RBFOX1: variants seen among roughly 807,000 people sequenced by gnomAD.
The protein encoded by RBFOX1 is RNA binding protein fox-1 homolog 1.
A neutral mutation model predicts 57.7 loss-of-function variants in RBFOX1; 8 were observed. That is an observed-to-expected ratio of 0.14 (90% CI 0.08 to 0.25). The LOEUF (loss-of-function observed/expected upper bound fraction) is 0.25, where lower values mean the gene tolerates loss of function less well. RBFOX1 is among the 10% of genes least tolerant of loss of function. The pLI, the probability that RBFOX1 is intolerant of heterozygous loss-of-function variation, is 1.00. For synonymous variants in RBFOX1, 326 were observed against 222.4 expected, an observed-to-expected ratio of 1.47 and a Z score of -4.15; for missense variants, 611 against 548.5, an observed-to-expected ratio of 1.11 and a Z score of -1.14.
At chr16:5,272,885 G>A (rs543250309) in intron 1 of RBFOX1, among the ~76,000 whole-genome samples, 4 of 152,354 alleles carry the variant, frequency 2.6e-5, no homozygotes, top group African/African-American at 7.2e-5. Context: ...CAAGGTGCTT[G>A]AGATGCAAGA....
chr16:6,964,480 G>C (rs911189994), intron 3 of RBFOX1, among the ~76,000 whole-genome samples: 1 of 152,096 alleles, frequency 6.6e-6, no homozygotes, highest in Admixed American at 6.6e-5. Context: ...AGTGTATATG[G>C]TTATCAACTG....
intron 2 of RBFOX1, among the ~76,000 whole-genome samples, chr16:6,424,433 G>A (rs926808941): frequency 5.9e-5 from 9 of 152,086 alleles, no homozygotes; most frequent in African/African-American, 2.2e-4. Flanking sequence ...CGTGTCCCCT[G>A]GAGGACATCT....
intron 14 of RBFOX1, among the ~76,000 whole-genome samples, chr16:7,704,101 A>G (rs980769702): frequency 6.6e-6 from 1 of 152,236 alleles, no homozygotes; most frequent in African/African-American, 2.4e-5. Context: ...TGAGGCTCAG[A>G]GAGCATGCTC....
At chr16:7,604,168 A>G (rs2095183611) in intron 9 of RBFOX1, among the ~76,000 whole-genome samples, 1 of 152,202 alleles carries the variant, frequency 6.6e-6, no homozygotes, top group Non-Finnish European at 1.5e-5. Context: ...GCCATTTGCT[A>G]AAGGGAGAAG....
At chr16:6,948,645 G>A (rs1258193244) in intron 3 of RBFOX1, among the ~76,000 whole-genome samples, 1 of 151,970 alleles carries the variant, frequency 6.6e-6, no homozygotes, top group African/African-American at 2.4e-5. Flanking sequence ...GCCTCCCAAA[G>A]TGCTGGGATT....
chr16:6,114,455 C>T (rs976782467), intron 1 of RBFOX1, among the ~76,000 whole-genome samples: 6 of 152,196 alleles, frequency 3.9e-5, no homozygotes, highest in African/African-American at 1.4e-4. Context: ...TTTTGGATCT[C>T]ATTACTTACA....
intron 4 of RBFOX1, among the ~76,000 whole-genome samples, chr16:7,358,677 C>T (rs947965407): frequency 3.9e-5 from 6 of 152,156 alleles, no homozygotes; most frequent in African/African-American, 9.7e-5. Flanking sequence ...ACCTCGGCCT[C>T]CCAAAGTGCT....
chr16:7,709,793 G>T, intron 15 of RBFOX1: 2 of 1,245,012 alleles, frequency 1.6e-6, no homozygotes, highest in Non-Finnish European at 2.0e-6. Context: ...AGGGTGGGGT[G>T]AACTTGCCTG....
chr16:6,739,187 C>A (rs1369362750), intron 3 of RBFOX1, among the ~76,000 whole-genome samples: 2 of 150,482 alleles, frequency 1.3e-5, no homozygotes, highest in Non-Finnish European at 3.0e-5. Context: ...GAGAGAAATG[C>A]TAGTTCTTTA....
At position 6,453,552 on chromosome 16, in the gene RBFOX1, C is replaced by CA. The variant is rs200058011; in HGVS notation, c.-64+136503dup. On this transcript the variant is annotated intron_variant, in intron 2 of 15. Transcript: ENST00000550418. The stretch of plus-strand genomic sequence containing the variant: ...AGGCAGTAATTAATAGCCTACCAAC[C>CA]AAAAAAAAGCCCAGGACCAGACGGA... Among the ~76,000 whole-genome samples the CA allele has an allele frequency of 8.1e-3, 1,232 of 151,718 alleles. 14 individuals are homozygous for CA. Among genetic ancestry groups the CA allele is most frequent in the African/African-American group, 0.028 (1,157 of 41,414 alleles).
intron 3 of RBFOX1, among the ~76,000 whole-genome samples, chr16:6,984,938 G>C (rs1374064355): frequency 6.6e-6 from 1 of 152,120 alleles, no homozygotes; most frequent in Non-Finnish European, 1.5e-5. Flanking sequence ...ATTGCACCCG[G>C]TACCTTCTTT....
At chr16:7,019,050 C>G (rs1409750130) in intron 3 of RBFOX1, among the ~76,000 whole-genome samples, 1 of 151,884 alleles carries the variant, frequency 6.6e-6, no homozygotes, top group Non-Finnish European at 1.5e-5. Flanking sequence ...TTCCTGGTTT[C>G]CTAGTTTTTA....
intron 1 of RBFOX1, among the ~76,000 whole-genome samples, chr16:5,416,720 G>A (rs1471530209): frequency 6.7e-6 from 1 of 150,220 alleles, no homozygotes; most frequent in African/African-American, 2.5e-5. Flanking sequence ...GATTTTCTCT[G>A]TATCTCCTCT....
At chr16:6,173,155 C>G (rs139603727) in intron 1 of RBFOX1, among the ~76,000 whole-genome samples, 12 of 152,266 alleles carry the variant, frequency 7.9e-5, no homozygotes, top group Non-Finnish European at 1.5e-4. Context: ...TCTGCAAAGT[C>G]CCTTTGCCAT....
chr16:6,439,548 G>A (rs985073080), intron 2 of RBFOX1, among the ~76,000 whole-genome samples: 1 of 152,126 alleles, frequency 6.6e-6, no homozygotes, highest in African/African-American at 2.4e-5. Context: ...CATCCAACCT[G>A]CAGTTTGGGT....
chr16:7,252,558 A>G (rs912907525), intron 4 of RBFOX1, among the ~76,000 whole-genome samples: 3 of 152,248 alleles, frequency 2.0e-5, no homozygotes, highest in Non-Finnish European at 4.4e-5. Flanking sequence ...AAGCTTGTCC[A>G]TCATCCAATA....
chr16:5,692,177 G>A (rs1181879961), intron 3 of RBFOX1, among the ~76,000 whole-genome samples: 2 of 73,278 alleles, frequency 2.7e-5, no homozygotes, highest in Non-Finnish European at 6.0e-5. Context: ...GTGTGTGTGT[G>A]TGTGTGTGTG....
chr16:5,554,454 A>G (rs1218117716), intron 2 of RBFOX1, among the ~76,000 whole-genome samples: 1 of 152,234 alleles, frequency 6.6e-6, no homozygotes, highest in African/African-American at 2.4e-5. Context: ...ATTAAAAAGT[A>G]TCTAAGAGTA....
chr16:6,404,389 TGAGG>T (rs1484209689), intron 2 of RBFOX1, among the ~76,000 whole-genome samples: 2 of 152,168 alleles, frequency 1.3e-5, no homozygotes, highest in Non-Finnish European at 2.9e-5. Context: ...CTGTGGCTAC[TGAGG>T]GACCACTGTA....
Sources: gnomAD v4.1 joint callset for allele counts (sites outside exome capture counted in the v4.1 genomes callset) on GRCh38, gnomAD v4.1.1 for gene constraint, MANE v1.5 for transcripts, NCBI Gene and HGNC (gene_info 2026-07-23, HGNC 2026-07-21) for gene names.